The following RGP1 variants were observed in gnomAD, a reference collection of about 807,000 sequenced individuals.
RGP1 encodes RGP1 partner of RAB6A GEF complex.
RGP1 carries 28 observed loss-of-function variants against 44.5 expected under a neutral mutation model. The observed-to-expected ratio is 0.63, with a 90% confidence interval of 0.47 to 0.86. The LOEUF (loss-of-function observed/expected upper bound fraction) is 0.86. Among genes scored for constraint, RGP1 ranks in the 40% least tolerant of loss-of-function variants. RGP1 has a pLI of 0.00. For missense variants in RGP1, 417 were observed against 490.7 expected (o/e 0.85, Z 1.42); for synonymous variants, 212 against 196.7 (o/e 1.08, Z -0.65).
the RGP1 span, among the ~76,000 whole-genome samples, chr9:35,764,190 T>A: frequency 6.6e-6 from 1 of 152,200 alleles, no homozygotes; most frequent in Non-Finnish European, 1.5e-5. Context: ...AATGGAGATC[T>A]TTTGAAGCAT....
the RGP1 span, among the ~76,000 whole-genome samples, chr9:35,779,418 G>T: frequency 6.6e-6 from 1 of 152,214 alleles, no homozygotes; most frequent in Non-Finnish European, 1.5e-5. Context: ...CAGTGGATTT[G>T]TTCAGCTCCG....
Position 35,753,166 on chromosome 9 carries a change from C to A in RGP1, c.*292C>A. ...TGGCTGAGCCCCATTCTGGGTCAGG[C>A]CCTCCCCCTTTGCAGGGCAGCCGAG... On this transcript the variant is annotated 3_prime_UTR_variant, in exon 9 of 9. Coordinates refer to ENST00000378078, the MANE Select transcript of RGP1 (RefSeq NM_001080496.3). The surrounding 1 kb of genome is among the most constrained non-coding windows in gnomAD (Gnocchi z 4.2). 1 of 1,614,134 alleles carries A rather than the reference C, an allele frequency of 6.2e-7. No homozygotes were observed. Among genetic ancestry groups the A allele is most frequent in the Non-Finnish European group, 8.5e-7 (1 of 1,180,002 alleles).
the RGP1 span, among the ~76,000 whole-genome samples, chr9:35,776,994 CAAA>C: frequency 3.7e-5 from 4 of 107,004 alleles, no homozygotes; most frequent in Non-Finnish European, 3.9e-5. Context: ...GACTCTGTCT[CAAA>C]AAAAAAAAAA....
At chr9:35,750,575 CT>C in intron 3 of RGP1, 82 bp from the exon 4 acceptor site, 1 of 1,481,912 alleles carries the variant, frequency 6.7e-7, no homozygotes, top group Non-Finnish European at 9.4e-7. Context: ...GCCTGGCAGC[CT>C]TTCACTATCT....
chr9:35,750,528 G>A, intron 3 of RGP1, 130 bp from the exon 4 acceptor site: 3 of 1,293,724 alleles, frequency 2.3e-6, no homozygotes, highest in Middle Eastern at 1.9e-4. Flanking sequence ...TGCTTTAGGG[G>A]TAGAAGACTA....
chr9:35,759,814 T>C (rs16932593), downstream of RGP1, among the ~76,000 whole-genome samples: 2,612 of 151,972 alleles, frequency 0.017, 68 homozygotes, highest in African/African-American at 0.06. Flanking sequence ...AATTTTTATT[T>C]AAGCATCCTT....
chr9:35,772,433 GAACTTACTGTCATATGCA>G, the RGP1 span: 15 of 152,106 alleles, frequency 9.9e-5, no homozygotes, highest in African/African-American at 3.6e-4. Flanking sequence ...GTAACTGGAG[GAACTTACTGTCATATGCA>G]AACTAACAAC....
downstream of RGP1, among the ~76,000 whole-genome samples, chr9:35,759,491 G>A (rs1013474713): frequency 1.4e-5 from 2 of 146,110 alleles, no homozygotes; most frequent in African/African-American, 5.1e-5. Flanking sequence ...GAACCTGGGA[G>A]GCTGAGGCTC....
the RGP1 span, among the ~76,000 whole-genome samples, chr9:35,764,083 C>T: frequency 1.3e-5 from 2 of 151,594 alleles, no homozygotes; most frequent in Non-Finnish European, 2.9e-5. Context: ...CATGCCACCA[C>T]ACTCAGCCTG....
rs1364331686 is a variant in RGP1 at position 35,749,709 on chromosome 9, A to G, written c.-19-28A>G. On this transcript the variant is annotated intron_variant, in intron 1 of 8. Coordinates refer to ENST00000378078, the MANE Select transcript of RGP1 (RefSeq NM_001080496.3). This position sits in a 1 kb window ranked among gnomAD's most constrained non-coding sequence, Gnocchi z 4.4. Reference sequence around the variant, plus strand: ...AACGCCCCTCCCTGTCAAGGTGCTGACCTCCGCCCCGCCTTGTTTCCTTCT... The same window carrying G: ...AACGCCCCTCCCTGTCAAGGTGCTGGCCTCCGCCCCGCCTTGTTTCCTTCT... 2 of 1,396,278 alleles carry G rather than the reference A, an allele frequency of 1.4e-6. No individual in the cohort carries two copies. The highest frequency in any genetic ancestry group is 1.0e-6 in the Non-Finnish European group (1 of 989,028). 86.5% of individuals were successfully genotyped at this position (1,396,278 alleles called of 1,614,324 possible).
chr9:35,776,749 A>G, the RGP1 span, among the ~76,000 whole-genome samples: 234 of 152,122 alleles, frequency 1.5e-3, 1 homozygote, highest in Middle Eastern at 0.014. Flanking sequence ...TAATCCCAGC[A>G]CTTTGGGAGG....
At position 35,749,482 on chromosome 9, in the gene RGP1, C is replaced by A; in HGVS notation, c.-20+74C>A. The A allele has an allele frequency of 1.6e-6, 1 of 641,546 alleles. No homozygotes were observed. Among genetic ancestry groups the A allele is most frequent in the Non-Finnish European group, 3.0e-6 (1 of 334,260 alleles). 39.7% of individuals were successfully genotyped at this position (641,546 alleles called of 1,614,324 possible). ...GGGGGAGCGGAGGCCAGTTTGGGAA[C>A]TCCGCGGGGGTGCCCAGGGAGAAGA... On this transcript the variant is annotated intron_variant, in intron 1 of 8. Coordinates refer to ENST00000378078, the MANE Select transcript of RGP1 (RefSeq NM_001080496.3). This position sits in a 1 kb window ranked among gnomAD's most constrained non-coding sequence, Gnocchi z 4.4.
chr9:35,764,138 A>G, the RGP1 span, among the ~76,000 whole-genome samples: 5 of 152,128 alleles, frequency 3.3e-5, no homozygotes, highest in Admixed American at 6.5e-5. Context: ...TAAAATAAAA[A>G]GAAGAAGAAG....
chr9:35,786,017 T>C, the RGP1 span, among the ~76,000 whole-genome samples: 2 of 152,240 alleles, frequency 1.3e-5, no homozygotes, highest in Non-Finnish European at 2.9e-5. Flanking sequence ...TTAGCTTCTC[T>C]TGGTTCTTCA....
intron 5 of RGP1, 58 bp from the exon 6 acceptor site, chr9:35,751,208 C>T: frequency 7.5e-6 from 12 of 1,596,192 alleles, no homozygotes; most frequent in Middle Eastern, 1.7e-4. Context: ...AAAACCCTAA[C>T]CTCTACTCTC....
At chr9:35,770,510 AGAGAGAGAG>A in the RGP1 span, among the ~76,000 whole-genome samples, 1 of 120,576 alleles carries the variant, frequency 8.3e-6, no homozygotes, top group Non-Finnish European at 1.7e-5. Flanking sequence ...AGAGAGAGAG[AGAGAGAGAG>A]AGAGAGAGAG....
At chr9:35,784,560 C>T in the RGP1 span, among the ~76,000 whole-genome samples, 1 of 152,256 alleles carries the variant, frequency 6.6e-6, no homozygotes. Flanking sequence ...AGTGATTCTC[C>T]TCCTCCCTCA....
At position 35,750,893 on chromosome 9, in the gene RGP1, T is replaced by C; in HGVS notation, c.391T>C (p.Ser131Pro). The C allele has an allele frequency of 6.2e-7, 1 of 1,613,986 alleles. No homozygotes were observed. Among genetic ancestry groups the C allele is most frequent in the Non-Finnish European group, 8.5e-7 (1 of 1,179,888 alleles). ...IEGPPSFRGQ[S>P]VKYVYKLTIG... is the part of the protein sequence containing the mutation. ...GGGACCACCCTCCTTTCGGGGTCAG[T>C]CAGTCAAGTACGTCTACAAACTGAC... The change falls in exon 5 of 9, where the codon TCA (serine) becomes CCA (proline). Residue 131 changes from serine (S) to proline (P), a missense_variant. Coordinates refer to ENST00000378078, the MANE Select transcript of RGP1 (RefSeq NM_001080496.3).
the RGP1 span, among the ~76,000 whole-genome samples, chr9:35,785,998 C>T: frequency 1.3e-5 from 2 of 152,166 alleles, no homozygotes; most frequent in Non-Finnish European, 2.9e-5. Flanking sequence ...AATCTTACAT[C>T]GCCACTGCTT....
Sources: allele counts gnomAD v4.1 joint callset (sites outside exome capture counted in the v4.1 genomes callset), GRCh38; gene constraint gnomAD v4.1.1; non-coding constraint Gnocchi (gnomAD v3.1); transcripts MANE v1.5; gene names NCBI Gene and HGNC (gene_info 2026-07-23, HGNC 2026-07-21).